STK39: variants seen among roughly 807,000 people sequenced by gnomAD.
STK39 encodes serine/threonine kinase 39.
STK39 carries 20 observed loss-of-function variants against 77.8 expected under a neutral mutation model. The observed-to-expected ratio is 0.26, with a 90% CI of 0.18 to 0.37. STK39 has a LOEUF of 0.37. STK39 is among the 10% of genes least tolerant of loss of function. The pLI, the probability that STK39 is intolerant of heterozygous loss-of-function variation, is 1.00. For synonymous variants in STK39, 246 were observed against 234.1 expected (o/e 1.05, Z -0.47); for missense variants, 479 against 656.5 (o/e 0.73, Z 2.95).
At chr2:168,192,076 A>C (rs1341423904) in intron 1 of STK39, among the ~76,000 whole-genome samples, 1 of 152,152 alleles carries the variant, frequency 6.6e-6, no homozygotes, top group African/African-American at 2.4e-5. Context: ...GGAAACTGGA[A>C]ATGGAAACCA....
intron 1 of STK39, among the ~76,000 whole-genome samples, chr2:168,186,641 G>T (rs1689216241): frequency 6.6e-6 from 1 of 152,170 alleles, no homozygotes; most frequent in Non-Finnish European, 1.5e-5. Context: ...CTTCCTTAAT[G>T]GGCATAATAA....
chr2:168,043,627 C>G lies in STK39; in HGVS notation c.1376+19873G>C, dbSNP rs138751539. 3.1e-3 allele frequency among the ~76,000 whole-genome samples: 472 copies of G among 152,324 alleles called. 3 individuals carry two copies. Among genetic ancestry groups the G allele is most frequent in the African/African-American group, 0.01 (434 of 41,580 alleles). On this transcript the variant is annotated intron_variant, in intron 14 of 17. Transcript: ENST00000355999. ...TTACAACTAACTCAGAAGTACAACA[C>G]AGGCACAATTTCTGACCACCAACAA...
At chr2:168,208,083 T>C (rs1234993831) in intron 1 of STK39, among the ~76,000 whole-genome samples, 1 of 152,182 alleles carries the variant, frequency 6.6e-6, no homozygotes. Flanking sequence ...AATATGGTCA[T>C]ACATTCCAAT....
At chr2:168,234,813 C>A (rs976645501) in intron 1 of STK39, among the ~76,000 whole-genome samples, 13 of 142,640 alleles carry the variant, frequency 9.1e-5, no homozygotes, top group Non-Finnish European at 2.1e-4. Context: ...TTTACTGATT[C>A]CTACATATTT....
At chr2:168,077,581 C>T (rs546346723) in intron 10 of STK39, among the ~76,000 whole-genome samples, 4 of 152,174 alleles carry the variant, frequency 2.6e-5, no homozygotes, top group African/African-American at 9.6e-5. Flanking sequence ...AGAGAAAGAA[C>T]ATTCAAAAAC....
At chr2:168,088,980 C>T (rs1686444450) in intron 10 of STK39, among the ~76,000 whole-genome samples, 1 of 152,184 alleles carries the variant, frequency 6.6e-6, no homozygotes, top group African/African-American at 2.4e-5. Context: ...CTTTCTTTCT[C>T]AGTTGAGAAA....
At chr2:168,112,429 T>C (rs974538605) in intron 10 of STK39, among the ~76,000 whole-genome samples, 1 of 152,106 alleles carries the variant, frequency 6.6e-6, no homozygotes, top group Non-Finnish European at 1.5e-5. Flanking sequence ...CATGACACAG[T>C]TCTCACAATA....
At chr2:168,043,771 C>T (rs369314342) in intron 14 of STK39, among the ~76,000 whole-genome samples, 34 of 152,354 alleles carry the variant, frequency 2.2e-4, no homozygotes, top group African/African-American at 6.7e-4. Flanking sequence ...CTCACAATTT[C>T]TGACTTCGTA....
At chr2:168,239,057 T>G (rs1312822372) in intron 1 of STK39, among the ~76,000 whole-genome samples, 1 of 152,162 alleles carries the variant, frequency 6.6e-6, no homozygotes, top group Non-Finnish European at 1.5e-5. Flanking sequence ...AGCCATCCTA[T>G]CATGTCAGTC....
At chr2:167,996,471 G>A (rs927689310) in intron 16 of STK39, among the ~76,000 whole-genome samples, 1 of 152,284 alleles carries the variant, frequency 6.6e-6, no homozygotes, top group Non-Finnish European at 1.5e-5. Flanking sequence ...GGCAGCCATG[G>A]GGCTATGAAG....
intron 1 of STK39, among the ~76,000 whole-genome samples, chr2:168,185,241 T>A (rs564880676): frequency 6.6e-6 from 1 of 152,374 alleles, no homozygotes; most frequent in South Asian, 2.1e-4. Flanking sequence ...ATTTTATTCC[T>A]GACTCCTATT....
chr2:168,020,291 A>G (rs1017572079), intron 14 of STK39, among the ~76,000 whole-genome samples: 7 of 152,180 alleles, frequency 4.6e-5, no homozygotes, highest in Non-Finnish European at 8.8e-5. Context: ...AATGAAAACA[A>G]TTCAGTGAAA....
chr2:168,131,063 A>G (rs1687684506), intron 8 of STK39, among the ~76,000 whole-genome samples: 1 of 152,182 alleles, frequency 6.6e-6, no homozygotes, highest in African/African-American at 2.4e-5. Flanking sequence ...CGTGCTCTTC[A>G]TTTTCTTAGG....
intron 1 of STK39, among the ~76,000 whole-genome samples, chr2:168,198,679 A>G (rs557981026): frequency 1.4e-3 from 218 of 152,348 alleles, no homozygotes; most frequent in Middle Eastern, 0.014. Context: ...GGCAAATCAA[A>G]TACGGACTTA....
chr2:168,230,078 C>T (rs186184855), intron 1 of STK39, among the ~76,000 whole-genome samples: 87 of 152,258 alleles, frequency 5.7e-4, no homozygotes, highest in Non-Finnish European at 8.8e-4. Flanking sequence ...AGATGAATGA[C>T]AAATATTGTA....
chr2:168,159,689 A>G (rs565316951), intron 5 of STK39, among the ~76,000 whole-genome samples: 223 of 152,324 alleles, frequency 1.5e-3, no homozygotes, highest in Non-Finnish European at 2.6e-3. Flanking sequence ...GAAGCTGTAC[A>G]TTTAGGTGCC....
intron 1 of STK39, among the ~76,000 whole-genome samples, chr2:168,199,980 A>C (rs1689573374): frequency 6.6e-6 from 1 of 152,200 alleles, no homozygotes; most frequent in Non-Finnish European, 1.5e-5. Flanking sequence ...TATCTGGGCT[A>C]TAAGAGTATC....
At chr2:168,026,207 G>A (rs1440757496) in intron 14 of STK39, among the ~76,000 whole-genome samples, 1 of 152,156 alleles carries the variant, frequency 6.6e-6, no homozygotes, top group Non-Finnish European at 1.5e-5. Context: ...GAAAAACAAT[G>A]TAAGTAAGTG....
chr2:168,132,288 T>A (rs1166516589), intron 8 of STK39, among the ~76,000 whole-genome samples: 1 of 152,168 alleles, frequency 6.6e-6, no homozygotes, highest in Non-Finnish European at 1.5e-5. Flanking sequence ...CCTCATCATC[T>A]CTGGCTAATA....
Sources: gnomAD v4.1 joint callset for allele counts (sites outside exome capture counted in the v4.1 genomes callset) on GRCh38, gnomAD v4.1.1 for gene constraint, MANE v1.5 for transcripts, NCBI Gene and HGNC (gene_info 2026-07-23, HGNC 2026-07-21) for gene names.